DMXL2: variants seen among roughly 807,000 people sequenced by gnomAD.
DMXL2 encodes dmX-like protein 2.
Under a neutral mutation model 331.1 loss-of-function variants are expected in DMXL2, and 103 were observed. The ratio of observed to expected loss-of-function variants is 0.31; its 90% CI spans 0.27 to 0.37. DMXL2 has a LOEUF of 0.37. DMXL2 is among the 10% of genes least tolerant of loss of function. The probability of loss-of-function intolerance (pLI) is 1.00; values close to 1 mark genes in which losing one functional copy is unlikely to be tolerated. For synonymous variants in DMXL2, 1,281 were observed against 1,252.1 expected (o/e 1.02, Z -0.49); for missense variants, 3,171 against 3,642.9 (o/e 0.87, Z 3.33).
At chr15:51,516,516 C>A (rs900362398) in intron 14 of DMXL2, among the ~76,000 whole-genome samples, 1 of 152,218 alleles carries the variant, frequency 6.6e-6, no homozygotes, top group Non-Finnish European at 1.5e-5. Flanking sequence ...CACAACCCGA[C>A]CCTTCTATGC....
chr15:51,529,717 G>T (rs896666762), intron 13 of DMXL2, among the ~76,000 whole-genome samples: 3 of 151,998 alleles, frequency 2.0e-5, no homozygotes, highest in African/African-American at 7.2e-5. Context: ...AAATTATTCT[G>T]AAAAATAGAG....
chr15:51,466,161 A>G, intron 30 of DMXL2, 23 bp downstream of exon 30: 1 of 1,533,502 alleles, frequency 6.5e-7, no homozygotes, highest in South Asian at 1.3e-5. Flanking sequence ...AAAAAAAATG[A>G]GAGAAAGAAA....
intron 41 of DMXL2, among the ~76,000 whole-genome samples, chr15:51,452,479 C>T (rs375714115): frequency 6.6e-6 from 1 of 151,976 alleles, no homozygotes; most frequent in Non-Finnish European, 1.5e-5. Context: ...AAATGGCCAA[C>T]AAACAGGAAA....
intron 1 of DMXL2, among the ~76,000 whole-genome samples, chr15:51,577,348 G>C (rs12592422): frequency 0.25 from 38,037 of 151,940 alleles, 5,222 homozygotes; most frequent in East Asian, 0.48. Flanking sequence ...ATAAAGACCA[G>C]ACAGGAAGAC....
At chr15:51,511,961 T>C (rs1460791996) in intron 15 of DMXL2, among the ~76,000 whole-genome samples, 2 of 152,106 alleles carry the variant, frequency 1.3e-5, no homozygotes, top group Non-Finnish European at 2.9e-5. Flanking sequence ...AAACACTGCA[T>C]GTTCTCACTC....
At chr15:51,565,949 C>T (rs911693296) in intron 3 of DMXL2, among the ~76,000 whole-genome samples, 2 of 152,118 alleles carry the variant, frequency 1.3e-5, no homozygotes, top group African/African-American at 4.8e-5. Flanking sequence ...TAAAACATAG[C>T]TGCATCCCAA....
intron 2 of DMXL2, among the ~76,000 whole-genome samples, chr15:51,569,010 G>A (rs2050478573): frequency 6.6e-6 from 1 of 152,142 alleles, no homozygotes; most frequent in Admixed American, 6.5e-5. Context: ...AAGGGGTCAG[G>A]GAATTTCCCT....
chr15:51,622,256 A>C (rs1444544232), intron 1 of DMXL2, among the ~76,000 whole-genome samples: 1 of 152,008 alleles, frequency 6.6e-6, no homozygotes, highest in Non-Finnish European at 1.5e-5. Flanking sequence ...CTTTCCCCTA[A>C]CGGGTGATTT....
intron 13 of DMXL2, among the ~76,000 whole-genome samples, chr15:51,525,183 C>T (rs189565725): frequency 2.0e-5 from 3 of 152,004 alleles, no homozygotes; most frequent in African/African-American, 7.2e-5. Context: ...GGAAAGACCC[C>T]TGGCAGGATT....
intron 7 of DMXL2, 79 bp downstream of exon 7, chr15:51,547,150 TA>T: frequency 7.8e-7 from 1 of 1,280,028 alleles, no homozygotes; most frequent in Non-Finnish European, 1.1e-6. Context: ...TGCCACCATG[TA>T]AATAAAAGGA....
chr15:51,568,601 A>C (rs1435339762), intron 2 of DMXL2, 43 bp from the exon 3 acceptor site: 1 of 1,228,952 alleles, frequency 8.1e-7, no homozygotes, highest in African/African-American at 1.6e-5. Context: ...GAAAAGGGTA[A>C]AATAAAGATA....
chr15:51,458,998 A>G (rs1595889618), intron 34 of DMXL2: 2 of 556,188 alleles, frequency 3.6e-6, no homozygotes, highest in Non-Finnish European at 3.2e-6. Flanking sequence ...ATGTCCTGTA[A>G]TCACCCCAAT....
At chr15:51,578,395 G>T (rs1010092897) in intron 1 of DMXL2, among the ~76,000 whole-genome samples, 14 of 152,144 alleles carry the variant, frequency 9.2e-5, no homozygotes, top group African/African-American at 3.1e-4. Context: ...TTACGGCTCA[G>T]TCACTGAAAA....
intron 15 of DMXL2, among the ~76,000 whole-genome samples, chr15:51,513,908 A>G (rs1408865913): frequency 6.6e-6 from 1 of 152,162 alleles, no homozygotes; most frequent in African/African-American, 2.4e-5. Context: ...ACTAAACGTC[A>G]TATTGTTTGT....
At chr15:51,550,336 T>C (rs2049137143) in intron 6 of DMXL2, among the ~76,000 whole-genome samples, 1 of 152,172 alleles carries the variant, frequency 6.6e-6, no homozygotes, top group Non-Finnish European at 1.5e-5. Context: ...CTCAAAGGCA[T>C]AATCTTCTCT....
intron 1 of DMXL2, among the ~76,000 whole-genome samples, chr15:51,593,347 T>C (rs148900458): frequency 0.014 from 2,165 of 152,300 alleles, 40 homozygotes; most frequent in African/African-American, 0.048. Context: ...AAGGGCTGAA[T>C]TCAACAAGAA....
intron 15 of DMXL2, 56 bp from the exon 16 acceptor site, chr15:51,507,309 AAC>A: frequency 1.3e-6 from 2 of 1,510,150 alleles, no homozygotes; most frequent in Admixed American, 2.1e-5. Context: ...GGGTTAAAAA[AAC>A]ACTTTTTAAA....
Position 51,499,670 on chromosome 15 carries a change from A to G in DMXL2, c.3554T>C (p.Val1185Ala). The change falls in exon 18 of 44, where the codon GTG (valine) becomes GCG (alanine). Residue 1185 changes from valine to alanine, a missense_variant. Around this residue, in one of 7 missense-constraint regions of DMXL2, gnomAD observed 1,674 missense variants for 1,780.2 expected, o/e 0.94. Coordinates refer to ENST00000560891, the MANE Select transcript of DMXL2 (RefSeq NM_001378457.1). Reference protein sequence around the residue: ...SKEDGSHILTVGVGANIFMYG... With the variant: ...SKEDGSHILTAGVGANIFMYG... ...CATGAAGATATTCGCACCGACTCCC[A>G]CTGTAAGAATGTGGGAGCCATCTTC... 1 of 1,613,986 alleles carries G rather than the reference A, an allele frequency of 6.2e-7. No homozygotes were observed. Among genetic ancestry groups the G allele is most frequent in the Non-Finnish European group, 8.5e-7 (1 of 1,180,004 alleles).
intron 40 of DMXL2, chr15:51,454,196 A>G (rs2039408739): frequency 6.6e-6 from 1 of 152,352 alleles, no homozygotes; most frequent in Non-Finnish European, 1.5e-5. Flanking sequence ...AATTAAGAAC[A>G]TATGTATAGT....
Sources: allele counts gnomAD v4.1 joint callset (sites outside exome capture counted in the v4.1 genomes callset), GRCh38; gene constraint gnomAD v4.1.1; regional missense constraint gnomAD v4.1.1; transcripts MANE v1.5; gene names NCBI Gene and HGNC (gene_info 2026-07-23, HGNC 2026-07-21).